Variants in NMU observed in about 807,000 individuals in gnomAD.
NMU encodes the protein neuromedin U.
Under a neutral mutation model 35.4 loss-of-function variants are expected in NMU, and 29 were observed. The ratio of observed to expected loss-of-function variants is 0.82; its 90% confidence interval spans 0.61 to 1.12. The LOEUF (loss-of-function observed/expected upper bound fraction) is 1.12, where lower values mean the gene tolerates loss of function less well. NMU is among the 50% of genes most tolerant of loss of function. The pLI is 0.00. For synonymous variants in NMU, 78 were observed against 81.3 expected (o/e 0.96, Z 0.22); for missense variants, 199 against 206.2 (o/e 0.97, Z 0.21).
At chr4:55,613,901 C>A (rs1560519615) in intron 3 of NMU, among the ~76,000 whole-genome samples, 1 of 152,122 alleles carries the variant, frequency 6.6e-6, no homozygotes, top group Non-Finnish European at 1.5e-5. Flanking sequence ...ATGAAGAAAC[C>A]CAGCCACAGA....
At chr4:55,625,861 G>A (rs978887055) in intron 2 of NMU, among the ~76,000 whole-genome samples, 3 of 151,684 alleles carry the variant, frequency 2.0e-5, no homozygotes, top group African/African-American at 7.3e-5. Flanking sequence ...AAGTGCTGTA[G>A]TAGATTCTAT....
intron 1 of NMU, among the ~76,000 whole-genome samples, chr4:55,633,126 G>C (rs146552459): frequency 0.057 from 8,678 of 151,836 alleles, 249 homozygotes; most frequent in Middle Eastern, 0.062. Flanking sequence ...AGATTGAGAC[G>C]ATCCTGGCTA....
intron 2 of NMU, among the ~76,000 whole-genome samples, chr4:55,617,119 T>C (rs934898235): frequency 6.6e-6 from 1 of 152,188 alleles, no homozygotes; most frequent in Non-Finnish European, 1.5e-5. Context: ...ATGGTACTGA[T>C]TCTTGTCTCT....
At chr4:55,595,643 A>ATATTTT (rs1258986050) in intron 9 of NMU, among the ~76,000 whole-genome samples, 291 of 66,346 alleles carry the variant, frequency 4.4e-3, no homozygotes, top group Middle Eastern at 9.3e-3. Context: ...ATATATATAT[A>ATATTTT]TTTTTTTTTT....
chr4:55,626,808 AT>A (rs1734549450), intron 2 of NMU, among the ~76,000 whole-genome samples: 1 of 152,220 alleles, frequency 6.6e-6, no homozygotes, highest in African/African-American at 2.4e-5. Flanking sequence ...ATGTAATTTA[AT>A]TCATGAATGT....
At chr4:55,603,772 CGTAGCGGCGGGCGCCT>C (rs1733523699) in intron 7 of NMU, among the ~76,000 whole-genome samples, 2 of 150,764 alleles carry the variant, frequency 1.3e-5, no homozygotes, top group Non-Finnish European at 3.0e-5. Flanking sequence ...ATTAGCCGGG[CGTAGCGGCGGGCGCCT>C]GTGATCCCAG....
intron 3 of NMU, 137 bp from the exon 4 acceptor site, chr4:55,609,316 T>C: frequency 2.8e-6 from 2 of 706,054 alleles, no homozygotes; most frequent in Middle Eastern, 2.4e-4. Flanking sequence ...TTATTAAAAC[T>C]GTTGGAATCC....
At chr4:55,618,837 TTCTC>T (rs763506175) in intron 2 of NMU, among the ~76,000 whole-genome samples, 42 of 151,244 alleles carry the variant, frequency 2.8e-4, no homozygotes, top group African/African-American at 9.7e-4. Context: ...CTTCTTTCTT[TTCTC>T]TCTCTTTCTT....
chr4:55,599,924 A>AT (rs756558620), intron 8 of NMU, among the ~76,000 whole-genome samples: 8 of 152,208 alleles, frequency 5.3e-5, no homozygotes, highest in Non-Finnish European at 1.0e-4. Context: ...CCCTTGGTAC[A>AT]TTGCTCAGCA....
At chr4:55,598,390 T>A (rs1733287589) in intron 9 of NMU, among the ~76,000 whole-genome samples, 1 of 152,156 alleles carries the variant, frequency 6.6e-6, no homozygotes, top group Non-Finnish European at 1.5e-5. Flanking sequence ...AATGATATAT[T>A]TGAAAAAATA....
intron 7 of NMU, among the ~76,000 whole-genome samples, chr4:55,604,534 CTTT>C (rs199852859): frequency 4.4e-5 from 6 of 136,682 alleles, no homozygotes; most frequent in Non-Finnish European, 4.7e-5. Context: ...CAAACTCTTA[CTTT>C]TTTTTTTTTT....
intron 7 of NMU, among the ~76,000 whole-genome samples, chr4:55,603,865 T>C (rs2110185845): frequency 7.5e-6 from 1 of 133,082 alleles, no homozygotes; most frequent in East Asian, 2.3e-4. Context: ...TGAGCCGAGA[T>C]CACGCCACTG....
chr4:55,607,380 A>C, intron 5 of NMU, 32 bp from the exon 6 acceptor site: 3 of 1,430,602 alleles, frequency 2.1e-6, no homozygotes, highest in Non-Finnish European at 3.0e-6. Flanking sequence ...TTTTACTATA[A>C]AAATTAATGG....
In NMU at chr4:55,618,701, TCTTTC is replaced by T. The variant is rs1734218267; in HGVS notation, c.172-2321_172-2317del. ...TTTCTTCTCTCTTTCTTCTCTCTCT[TCTTTC>T]TTTTTCTTTCTTCTCTCTTTCTTCT... On this transcript the variant is annotated intron_variant, in intron 2 of 9. Transcript: ENST00000264218. Among the ~76,000 whole-genome samples, 111 of 134,530 alleles carry T rather than the reference TCTTTC, an allele frequency of 8.3e-4. No homozygotes were observed. In the Admixed American group the frequency reaches 8.3e-3, roughly 10 times the overall value. 88.3% of individuals were successfully genotyped at this position (134,530 alleles called of 152,430 possible).
At chr4:55,619,484 C>T (rs1225331524) in intron 2 of NMU, among the ~76,000 whole-genome samples, 173 of 138,482 alleles carry the variant, frequency 1.2e-3, no homozygotes, top group African/African-American at 4.4e-3. Flanking sequence ...CACCACGAGA[C>T]TATATCCCAC....
At chr4:55,634,959 A>T (rs1311835470) in intron 1 of NMU, among the ~76,000 whole-genome samples, 2 of 152,164 alleles carry the variant, frequency 1.3e-5, no homozygotes, top group Non-Finnish European at 2.9e-5. Flanking sequence ...GAATAATAAA[A>T]ATACATAGAT....
intron 1 of NMU, among the ~76,000 whole-genome samples, chr4:55,634,044 T>C (rs1057086850): frequency 2.0e-5 from 3 of 152,226 alleles, no homozygotes; most frequent in African/African-American, 7.2e-5. Flanking sequence ...TTTTGTTTGT[T>C]TGTTTTTTGC....
intron 2 of NMU, among the ~76,000 whole-genome samples, chr4:55,627,281 T>C (rs1734571707): frequency 6.6e-6 from 1 of 152,114 alleles, no homozygotes; most frequent in Non-Finnish European, 1.5e-5. Context: ...GTTTTTATAC[T>C]ATGTCTCAGT....
intron 7 of NMU, among the ~76,000 whole-genome samples, chr4:55,604,679 A>ATTTTTTTT (rs767568542): frequency 0.018 from 868 of 47,596 alleles, 130 homozygotes; most frequent in African/African-American, 0.059. Context: ...TGCCTGGCTA[A>ATTTTTTTT]TTTTTTTTTT....
Sources: allele counts gnomAD v4.1 joint callset (sites outside exome capture counted in the v4.1 genomes callset), GRCh38; gene constraint gnomAD v4.1.1; transcripts MANE v1.5; gene names NCBI Gene and HGNC (gene_info 2026-07-23, HGNC 2026-07-21).